SCAMP1: variants seen among roughly 807,000 people sequenced by gnomAD.
The protein encoded by SCAMP1 is secretory carrier membrane protein 1.
A neutral mutation model predicts 41.8 loss-of-function variants in SCAMP1; 15 were observed. The ratio of observed to expected loss-of-function variants is 0.36; its 90% confidence interval spans 0.24 to 0.55. SCAMP1 has a LOEUF of 0.55. SCAMP1 is among the 20% of genes least tolerant of loss of function. SCAMP1 has a pLI of 0.86. For synonymous variants in SCAMP1, 135 were observed against 136.8 expected (o/e 0.99, Z 0.09); for missense variants, 341 against 412.6 (o/e 0.83, Z 1.50).
At chr5:78,465,967 A>G (rs1332241445) in intron 8 of SCAMP1, among the ~76,000 whole-genome samples, 1 of 152,246 alleles carries the variant, frequency 6.6e-6, no homozygotes, top group African/African-American at 2.4e-5. Flanking sequence ...GATTACATCT[A>G]CAAGATACCT....
chr5:78,364,395 A>G (rs1037815083), intron 1 of SCAMP1, among the ~76,000 whole-genome samples: 2 of 152,246 alleles, frequency 1.3e-5, no homozygotes, highest in Non-Finnish European at 2.9e-5. Flanking sequence ...TAACATTTAA[A>G]TTAATTTTTA....
In SCAMP1 at chr5:78,388,856, T is replaced by G. The variant is rs1163177915; in HGVS notation, c.77T>G (p.Val26Gly). 6.5e-7 allele frequency: 1 copy of G among 1,549,462 alleles called. No homozygotes were observed. Among genetic ancestry groups the G allele is most frequent in the Admixed American group, 1.7e-5 (1 of 58,054 alleles). The change falls in exon 2 of 9, where the codon GTG becomes GGG. Residue 26 changes from valine to glycine, a missense_variant. Coordinates refer to ENST00000621999, the MANE Select transcript of SCAMP1 (RefSeq NM_004866.6). ...NPFKDPSVTQ[V>G]TRNVPPGLDE... ...TTCTAGGATCCATCAGTTACACAAG[T>G]GACAAGAAATGTTCCACCAGGACTT...
At chr5:78,404,872 G>A (rs796395257) in intron 2 of SCAMP1, among the ~76,000 whole-genome samples, 2 of 152,288 alleles carry the variant, frequency 1.3e-5, no homozygotes, top group African/African-American at 4.8e-5. Context: ...AGTTCCTGGA[G>A]ATAAAACAAA....
chr5:78,454,081 G>A (rs1753316475), intron 7 of SCAMP1, among the ~76,000 whole-genome samples: 1 of 152,124 alleles, frequency 6.6e-6, no homozygotes, highest in Non-Finnish European at 1.5e-5. Flanking sequence ...GGAGATTTTG[G>A]GCTGAGACAG....
intron 1 of SCAMP1, among the ~76,000 whole-genome samples, chr5:78,363,702 T>C: frequency 6.6e-6 from 1 of 152,242 alleles, no homozygotes; most frequent in East Asian, 1.9e-4. Flanking sequence ...AGCATCTTCG[T>C]TTGTGCCGTA....
chr5:78,471,638 C>A (rs1276194732), intron 8 of SCAMP1, among the ~76,000 whole-genome samples: 1 of 151,992 alleles, frequency 6.6e-6, no homozygotes, highest in East Asian at 1.9e-4. Context: ...CTTTACTTCC[C>A]ACACGATACA....
intron 2 of SCAMP1, among the ~76,000 whole-genome samples, chr5:78,389,540 A>G (rs999802271): frequency 1.3e-5 from 2 of 152,114 alleles, no homozygotes; most frequent in African/African-American, 2.4e-5. Flanking sequence ...AAGTGCTGCA[A>G]CTACAGATGT....
At chr5:78,420,149 G>A (rs941214279) in intron 5 of SCAMP1, among the ~76,000 whole-genome samples, 5 of 152,072 alleles carry the variant, frequency 3.3e-5, no homozygotes, top group Non-Finnish European at 7.4e-5. Context: ...TCCGCTTCCC[G>A]GGTTCAAGTG....
intron 6 of SCAMP1, among the ~76,000 whole-genome samples, chr5:78,437,356 A>C (rs1752784392): frequency 6.6e-6 from 1 of 152,210 alleles, no homozygotes; most frequent in African/African-American, 2.4e-5. Flanking sequence ...GGTTTGTCAT[A>C]AATAGCTTTT....
chr5:78,370,999 A>G (rs1014849307), intron 1 of SCAMP1, among the ~76,000 whole-genome samples: 12 of 148,082 alleles, frequency 8.1e-5, no homozygotes, highest in African/African-American at 2.7e-4. Context: ...TCCTTTGGCT[A>G]TTCTTAGATT....
intron 7 of SCAMP1, among the ~76,000 whole-genome samples, chr5:78,453,598 A>G (rs1231458707): frequency 6.6e-6 from 1 of 151,600 alleles, no homozygotes; most frequent in East Asian, 1.9e-4. Flanking sequence ...GCCTTGTAGT[A>G]TAGTTTGAAG....
chr5:78,447,842 T>C (rs1320708853), intron 6 of SCAMP1, among the ~76,000 whole-genome samples: 1 of 70,704 alleles, frequency 1.4e-5, no homozygotes, highest in Non-Finnish European at 2.7e-5. Context: ...CCTCCCTTCT[T>C]TCCCCTCCCT....
chr5:78,440,225 T>C (rs1457255083), intron 6 of SCAMP1, among the ~76,000 whole-genome samples: 1 of 152,202 alleles, frequency 6.6e-6, no homozygotes, highest in Non-Finnish European at 1.5e-5. Context: ...AAAGTCATTC[T>C]CCGTTCAGCT....
chr5:78,371,990 C>G (rs1685894889), intron 1 of SCAMP1, among the ~76,000 whole-genome samples: 1 of 152,110 alleles, frequency 6.6e-6, no homozygotes, highest in African/African-American at 2.4e-5. Context: ...GAAGAAAACA[C>G]AAAACATTTG....
At chr5:78,397,452 AAAC>A (rs1379774296) in intron 2 of SCAMP1, among the ~76,000 whole-genome samples, 2 of 152,210 alleles carry the variant, frequency 1.3e-5, no homozygotes, top group South Asian at 2.1e-4. Context: ...CTAAAAATAC[AAAC>A]AACAAAAGAG....
In SCAMP1 at chr5:78,450,002, C is replaced by A; in HGVS notation, c.702C>A (p.Leu234=). The part of the protein sequence containing the change: ...VYICQFAVHV[L]QAAGFHNWGN... The stretch of plus-strand genomic sequence containing the variant: ...TTTGTCAGTTTGCTGTACATGTACT[C>A]CAAGCTGCAGGATTTCATAACTGGG... The change falls in exon 7 of 9, where the codon CTC becomes CTA. Residue 234 remains leucine (L), a synonymous_variant. Transcript: ENST00000621999. 1 of 1,577,680 alleles carries A rather than the reference C, an allele frequency of 6.3e-7. No homozygotes were observed. Among genetic ancestry groups the A allele is most frequent in the Non-Finnish European group, 8.6e-7 (1 of 1,165,682 alleles).
rs1753216097 is a variant in SCAMP1, at chr5:78,451,174, G to A, written c.734+1140G>A. On this transcript the variant is annotated intron_variant, in intron 7 of 8. Transcript: ENST00000621999. ...TGTATGTGACTAAATAGCGTAAAAA[G>A]AGTCTGCTAATGAGGGTGCATACAG... Among the ~76,000 whole-genome samples the A allele has an allele frequency of 3.9e-5, 6 of 152,276 alleles. No homozygotes were observed. In the South Asian group the frequency reaches 1.2e-3, roughly 32 times the overall value.
intron 6 of SCAMP1, among the ~76,000 whole-genome samples, chr5:78,434,353 G>A (rs1224082994): frequency 6.6e-6 from 1 of 152,182 alleles, no homozygotes; most frequent in African/African-American, 2.4e-5. Flanking sequence ...TTTGATGGGT[G>A]TTAAGCTGTG....
chr5:78,387,359 T>A (rs1004954851), intron 1 of SCAMP1, among the ~76,000 whole-genome samples: 20 of 80,256 alleles, frequency 2.5e-4, no homozygotes, highest in East Asian at 1.3e-3. Context: ...TCATATCCTG[T>A]ATCTTTTTTT....
Sources: gnomAD v4.1 joint callset for allele counts (sites outside exome capture counted in the v4.1 genomes callset) on GRCh38, gnomAD v4.1.1 for gene constraint, MANE v1.5 for transcripts, NCBI Gene and HGNC (gene_info 2026-07-23, HGNC 2026-07-21) for gene names.